The following ZDHHC24 variants were observed in gnomAD, a reference collection of about 807,000 sequenced individuals.
ZDHHC24 encodes the protein probable palmitoyltransferase ZDHHC24.
In ZDHHC24, 17 loss-of-function variants were observed where a neutral mutation model predicts 23.2. The ratio of observed to expected loss-of-function variants is 0.73; its 90% CI spans 0.50 to 1.10. The LOEUF (loss-of-function observed/expected upper bound fraction) is 1.10. ZDHHC24 is among the 50% of genes least tolerant of loss of function. The pLI, the probability that ZDHHC24 is intolerant of heterozygous loss-of-function variation, is 0.00. For synonymous variants in ZDHHC24, 186 were observed against 194.5 expected (o/e 0.96, Z 0.36); for missense variants, 366 against 393.0 (o/e 0.93, Z 0.58).
intron 4 of ZDHHC24, among the ~76,000 whole-genome samples, chr11:66,525,056 C>T (rs537793357): frequency 2.0e-5 from 3 of 152,048 alleles, no homozygotes; most frequent in Non-Finnish European, 4.4e-5. Context: ...AAAAATTAGC[C>T]GGGCATGGTG....
Position 66,545,757 on chromosome 11 carries a change from T to C in ZDHHC24, c.247A>G (p.Met83Val). 2 of 1,588,726 alleles carry C rather than the reference T, an allele frequency of 1.3e-6. No individual in the cohort carries two copies. The highest frequency in any genetic ancestry group is 8.5e-7 in the Non-Finnish European group (1 of 1,172,896). ...LRSDPSIRGV[M>V]LAGRGLGQGW... ...TGGCCCAGACCGCGGCCGGCCAGCA[T>C]CACGCCACGGATGCTGGGATCCGAG... Residue 83 changes from methionine to valine, a missense_variant, in exon 1 of 3, where the codon ATG (methionine) becomes GTG (valine). Physicochemically the swap from Met to Val is conservative, Grantham distance 21 (BLOSUM62 1). Transcript: ENST00000310442. This position sits in a 1 kb window ranked among gnomAD's most constrained non-coding sequence, Gnocchi z 4.5.
At chr11:66,529,782 C>T (rs371205830) in intron 2 of ZDHHC24, 7 of 1,607,724 alleles carry the variant, frequency 4.4e-6, no homozygotes, top group East Asian at 2.2e-5. Flanking sequence ...TGCCACCCCC[C>T]ACCTCCACCG....
intron 3 of ZDHHC24, chr11:66,529,186 T>TGGGGGGGGGGGGGGGGGGG (rs1555049717): frequency 2.0e-6 from 1 of 501,530 alleles, no homozygotes; most frequent in African/African-American, 5.9e-5. Flanking sequence ...GGAGGGACAG[T>TGGGGGGGGGGGGGGGGGGG]GGGGTGGGGG....
Position 66,539,666 on chromosome 11 carries a change from C to A in ZDHHC24, c.718G>T (p.Gly240Cys). Residue 240 changes from glycine to cysteine, a missense_variant, in exon 3 of 3, where the codon GGT becomes TGT. By Grantham distance (159) the Gly-to-Cys change is radical. Transcript: ENST00000310442. ...GCTGCCTGCAGGTTGTGGCAGGGAC[C>A]CAGGTCATAGGAGTGCTGGCCCCGA... The part of the protein sequence containing the change: ...WARGQHSYDL[G>C]PCHNLQAALG... 1 of 1,611,440 alleles carries A rather than the reference C, an allele frequency of 6.2e-7. No individual in the cohort carries two copies. The highest frequency in any genetic ancestry group is 8.5e-7 in the Non-Finnish European group (1 of 1,179,546).
chr11:66,522,943 T>G (rs1856305518), intron 4 of ZDHHC24: 1 of 357,852 alleles, frequency 2.8e-6, no homozygotes, highest in Non-Finnish European at 5.5e-6. Flanking sequence ...GGGAAGAGTG[T>G]TGTAGGCCAA....
intron 1 of ZDHHC24, among the ~76,000 whole-genome samples, chr11:66,544,461 T>C (rs185262916): frequency 1.6e-4 from 24 of 152,308 alleles, no homozygotes; most frequent in Non-Finnish European, 1.0e-4. Flanking sequence ...AACATCCTTC[T>C]ATCTGTGACA....
In ZDHHC24 at chr11:66,541,415, A is replaced by C. The variant is rs201284553; in HGVS notation, c.560-1591T>G. ...CAAAACTCCATCTCAAAAAAAAAAA[A>C]AAAACCATTCTGTTTGAAGGTCCTG... On this transcript the variant is annotated intron_variant, in intron 2 of 2. Transcript: ENST00000310442. 5.9e-5 allele frequency among the ~76,000 whole-genome samples: 9 copies of C among 152,190 alleles called. No individual in the cohort carries two copies. In the East Asian group the frequency reaches 1.7e-3, roughly 30 times the overall value.
intron 4 of ZDHHC24, among the ~76,000 whole-genome samples, chr11:66,525,781 A>G (rs551779066): frequency 2.7e-4 from 41 of 152,322 alleles, no homozygotes; most frequent in African/African-American, 9.9e-4. Context: ...AACAAAAGCC[A>G]TTGGAGGTTT....
At chr11:66,542,784 T>C (rs993873544) in intron 2 of ZDHHC24, 2 of 153,138 alleles carry the variant, frequency 1.3e-5, no homozygotes, top group African/African-American at 4.8e-5. Context: ...GGAGTGAGTG[T>C]TGACCACAAG....
rs1302872637 is a variant in ZDHHC24 at position 66,545,723 on chromosome 11, G to T, written c.281C>A (p.Ala94Asp). The T allele has an allele frequency of 1.3e-6, 2 of 1,548,700 alleles. No homozygotes were observed. Among genetic ancestry groups the T allele is most frequent in the Non-Finnish European group, 8.7e-7 (1 of 1,154,302 alleles). ...LAGRGLGQGW[A>D]YCYQCQSQVP... ...CCGCCCGATCCCGCACCCCACTCACGCCCAGCCCTGGCCCAGACCGCGGCC... is the reference window on the plus strand; with the variant it reads ...CCGCCCGATCCCGCACCCCACTCACTCCCAGCCCTGGCCCAGACCGCGGCC... The change falls in exon 1 of 3, where the codon GCT becomes GAT. Residue 94 changes from alanine (A) to aspartate (D), a missense_variant and splice_region_variant. Ala to Asp is a moderately radical substitution (Grantham distance 126). Transcript: ENST00000310442. The surrounding 1 kb of genome is among the most constrained non-coding windows in gnomAD (Gnocchi z 4.5).
chr11:66,523,668 C>T, intron 4 of ZDHHC24: 24 of 1,610,444 alleles, frequency 1.5e-5, no homozygotes, highest in Non-Finnish European at 1.8e-5. Flanking sequence ...CCCCAGAAAC[C>T]GTTCTTTCCA....
chr11:66,541,408 A>G (rs1270209475), intron 2 of ZDHHC24, among the ~76,000 whole-genome samples: 3 of 152,080 alleles, frequency 2.0e-5, no homozygotes, highest in Non-Finnish European at 2.9e-5. Context: ...CATCTCAAAA[A>G]AAAAAAAAAA....
downstream of ZDHHC24, chr11:66,530,909 C>T (rs1194392195): frequency 1.9e-6 from 3 of 1,614,038 alleles, no homozygotes; most frequent in Non-Finnish European, 2.5e-6. Context: ...GGGCCTTGGC[C>T]CCACCTTTAA....
intron 4 of ZDHHC24, among the ~76,000 whole-genome samples, chr11:66,525,079 A>T (rs1327831405): frequency 6.6e-6 from 1 of 152,102 alleles, no homozygotes; most frequent in Non-Finnish European, 1.5e-5. Context: ...AGGTGCCTGT[A>T]GTCCCAGCTA....
At chr11:66,535,295 G>T (rs555732449), downstream of ZDHHC24, among the ~76,000 whole-genome samples, 376 of 151,720 alleles carry the variant, frequency 2.5e-3, 2 homozygotes, top group Middle Eastern at 0.038. Context: ...CTGCAGCCTC[G>T]ACCTGCTGAG....
At chr11:66,523,204 C>T (rs575770354) in intron 4 of ZDHHC24, 4 of 616,774 alleles carry the variant, frequency 6.5e-6, no homozygotes, top group East Asian at 3.4e-5. Context: ...TGAAGGTGGG[C>T]GGAAGACAAG....
chr11:66,520,987 G>A (rs1466010793), downstream of ZDHHC24: 2 of 447,752 alleles, frequency 4.5e-6, no homozygotes, highest in Middle Eastern at 4.2e-4. Flanking sequence ...TCAAAGTGTT[G>A]GGATTACAGG....
rs1856369610 is a variant in ZDHHC24, at chr11:66,523,962, GAC to G, written c.*22-2498_*22-2497del. ...CTGGGGCTTCTTAGCTGCCTCTTCCGACCACACATTGATGCATTTCAAAAACA... is the reference window on the plus strand; with the variant it reads ...CTGGGGCTTCTTAGCTGCCTCTTCCGCACACATTGATGCATTTCAAAAACA... On this transcript the variant is annotated intron_variant, in intron 4 of 4. Transcript: ENST00000526986. 19 of 1,575,366 alleles carry G rather than the reference GAC, an allele frequency of 1.2e-5. No individual in the cohort carries two copies. In the East Asian group the frequency reaches 4.3e-4, roughly 35 times the overall value.
chr11:66,529,253 G>A, intron 3 of ZDHHC24: 2 of 1,523,640 alleles, frequency 1.3e-6, no homozygotes, highest in South Asian at 1.2e-5. Flanking sequence ...CAAACGGTGA[G>A]ATGTGAGGGG....
Sources: gnomAD v4.1 joint callset for allele counts (sites outside exome capture counted in the v4.1 genomes callset) on GRCh38, gnomAD v4.1.1 for gene constraint, Gnocchi (gnomAD v3.1) non-coding constraint, MANE v1.5 for transcripts, NCBI Gene and HGNC (gene_info 2026-07-23, HGNC 2026-07-21) for gene names.